Variants in GLUD1 observed in about 807,000 individuals in gnomAD.
The protein encoded by GLUD1 is glutamate dehydrogenase 1, mitochondrial.
In GLUD1, 22 loss-of-function variants were observed where a neutral mutation model predicts 56.0. The observed-to-expected ratio is 0.39, with a 90% CI of 0.28 to 0.56. The LOEUF is 0.56. GLUD1 is among the 20% of genes least tolerant of loss of function. GLUD1 has a pLI of 0.58. For missense variants in GLUD1, 451 were observed against 732.0 expected (o/e 0.62, Z 4.43); for synonymous variants, 223 against 269.9 (o/e 0.83, Z 1.70).
At chr10:87,080,688 G>A (rs1354599546) in intron 1 of GLUD1, among the ~76,000 whole-genome samples, 1 of 151,156 alleles carries the variant, frequency 6.6e-6, no homozygotes, top group African/African-American at 2.4e-5. Context: ...GAAGGGAGGA[G>A]ACCCTCTGCC....
At chr10:87,058,822 C>T (rs1047921809) in intron 10 of GLUD1, among the ~76,000 whole-genome samples, 1 of 151,960 alleles carries the variant, frequency 6.6e-6, no homozygotes, top group Non-Finnish European at 1.5e-5. Flanking sequence ...ACCTGGGAGG[C>T]GGAGGCTACA....
intron 12 of GLUD1, among the ~76,000 whole-genome samples, chr10:87,052,119 G>C (rs1007210005): frequency 6.6e-6 from 1 of 152,202 alleles, no homozygotes; most frequent in African/African-American, 2.4e-5. Context: ...GGAGGCCGAC[G>C]TAGGCAGATC....
In GLUD1 at chr10:87,094,799, G is replaced by T; in HGVS notation, c.-30C>A. ...ACAAGCGGAGGGGAGGTGCGTGATG[G>T]TCGCGAAACAGGCGCGCTTTCTCAG... is the stretch of plus-strand genomic sequence containing the variant. On this transcript the variant is annotated 5_prime_UTR_variant, in exon 1 of 13. Transcript: ENST00000277865. This position sits in a 1 kb window ranked among gnomAD's most constrained non-coding sequence, Gnocchi z 6.6. 1 of 1,506,914 alleles carries T rather than the reference G, an allele frequency of 6.6e-7. No individual in the cohort carries two copies. Among genetic ancestry groups the T allele is most frequent in the Non-Finnish European group, 9.0e-7 (1 of 1,116,014 alleles). The allele number at this position is 1,506,914 out of a possible 1,614,324, so 93.3% of individuals were successfully genotyped here. A position where few individuals can be genotyped will look rare whatever the true frequency, so the allele number is the denominator to read the frequency against.
At chr10:87,086,466 GT>G (rs1331663151) in intron 1 of GLUD1, among the ~76,000 whole-genome samples, 1 of 151,940 alleles carries the variant, frequency 6.6e-6, no homozygotes, top group African/African-American at 2.4e-5. Flanking sequence ...TTCATTCTCA[GT>G]TCCACTGCTG....
Position 87,077,717 on chromosome 10 carries a change from A to T in GLUD1, c.446-1061T>A, listed in dbSNP as rs191101577. Among the ~76,000 whole-genome samples, 838 of 151,900 alleles carry T rather than the reference A, an allele frequency of 5.5e-3. 13 individuals carry two copies. The highest frequency in any genetic ancestry group is 0.019 in the African/African-American group (802 of 41,418). On this transcript the variant is annotated intron_variant, in intron 1 of 12. Coordinates refer to ENST00000277865, the MANE Select transcript of GLUD1 (RefSeq NM_005271.5). The stretch of plus-strand genomic sequence containing the variant: ...TTTCTCTATAATCCATTGCTTCTCA[A>T]TCCCAAGGAGGAAAGTCTGAGTGGG...
chr10:87,050,298 C>G lies in GLUD1; in HGVS notation c.*1453G>C, dbSNP rs1845596303. ...ATAGTTCGTTACTCGGGAAGTTTCT[C>G]TGAACGTGTAAAGCACCGAACAAAA... On this transcript the variant is annotated 3_prime_UTR_variant, in exon 13 of 13. Transcript: ENST00000277865. Among the ~76,000 whole-genome samples, 4 of 149,946 alleles carry G rather than the reference C, an allele frequency of 2.7e-5. No individual in the cohort carries two copies. The South Asian group carries it at 6.3e-4, about 23-fold the overall frequency.
At chr10:87,051,945 C>A (rs1365866132) in intron 12 of GLUD1, 75 bp from the exon 13 acceptor site, 8 of 1,546,630 alleles carry the variant, frequency 5.2e-6, no homozygotes, top group East Asian at 2.2e-5. Flanking sequence ...AAGGCCCAGA[C>A]AGGCCTGGTC....
intron 4 of GLUD1, among the ~76,000 whole-genome samples, chr10:87,070,327 G>A (rs929738048): frequency 5.3e-5 from 8 of 152,174 alleles, no homozygotes; most frequent in African/African-American, 1.2e-4. Flanking sequence ...CCGGCTGGGC[G>A]CGGTGGCTCA....
At chr10:87,055,107 C>T (rs527686071) in intron 11 of GLUD1, among the ~76,000 whole-genome samples, 5 of 152,108 alleles carry the variant, frequency 3.3e-5, no homozygotes, top group Non-Finnish European at 4.4e-5. Context: ...CAGCTCTGAG[C>T]GCCTACTTGA....
intron 6 of GLUD1, 82 bp downstream of exon 6, chr10:87,062,574 A>T: frequency 9.5e-7 from 1 of 1,055,382 alleles, no homozygotes; most frequent in Non-Finnish European, 1.4e-6. Flanking sequence ...ACTTAATTTT[A>T]AAATTACAAT....
chr10:87,075,909 G>A, intron 3 of GLUD1, 59 bp downstream of exon 3: 1 of 1,179,368 alleles, frequency 8.5e-7, no homozygotes, highest in Non-Finnish European at 1.3e-6. Context: ...GGAAGACTCT[G>A]TCTCAGAAAA....
chr10:87,077,929 G>T (rs1021921532), intron 1 of GLUD1, among the ~76,000 whole-genome samples: 24 of 152,198 alleles, frequency 1.6e-4, no homozygotes, highest in African/African-American at 5.8e-4. Context: ...CTCTTTTAAA[G>T]AATTCTGAGA....
chr10:87,070,176 G>A (rs1278788138), intron 4 of GLUD1, among the ~76,000 whole-genome samples: 4 of 152,210 alleles, frequency 2.6e-5, no homozygotes, highest in African/African-American at 7.2e-5. Flanking sequence ...CAACTAGGCC[G>A]GGGCAGTGGC....
intron 11 of GLUD1, 148 bp downstream of exon 11, chr10:87,057,543 A>T: frequency 3.0e-6 from 2 of 666,932 alleles, no homozygotes; most frequent in Non-Finnish European, 5.5e-6. Context: ...TGTAATGAAA[A>T]GGAAAGGTAC....
chr10:87,093,836 G>T, intron 1 of GLUD1: 1 of 1,010,968 alleles, frequency 9.9e-7, no homozygotes, highest in Non-Finnish European at 1.4e-6. Context: ...TAGAAGCCAA[G>T]TCATTTTCTA....
chr10:87,086,793 T>C (rs1373956046), intron 1 of GLUD1, among the ~76,000 whole-genome samples: 1 of 141,886 alleles, frequency 7.0e-6, no homozygotes, highest in Non-Finnish European at 1.5e-5. Context: ...ATCGCGCCAC[T>C]GCACTCCAGC....
intron 4 of GLUD1, among the ~76,000 whole-genome samples, chr10:87,070,769 T>C (rs1294763677): frequency 6.6e-6 from 1 of 152,150 alleles, no homozygotes; most frequent in Non-Finnish European, 1.5e-5. Flanking sequence ...AATCACAAGG[T>C]ATTAGTTATT....
At chr10:87,078,072 T>G (rs1480188467) in intron 1 of GLUD1, among the ~76,000 whole-genome samples, 3 of 152,230 alleles carry the variant, frequency 2.0e-5, no homozygotes, top group Admixed American at 6.5e-5. Context: ...GATAATGTTT[T>G]AAGATAATTT....
chr10:87,087,040 T>C (rs560767122), intron 1 of GLUD1, among the ~76,000 whole-genome samples: 61 of 152,290 alleles, frequency 4.0e-4, no homozygotes, highest in Admixed American at 9.8e-4. Flanking sequence ...CTACTTCAGA[T>C]GCCAGTTCCA....
Sources: allele counts gnomAD v4.1 joint callset (sites outside exome capture counted in the v4.1 genomes callset), GRCh38; gene constraint gnomAD v4.1.1; non-coding constraint Gnocchi (gnomAD v3.1); transcripts MANE v1.5; gene names NCBI Gene and HGNC (gene_info 2026-07-23, HGNC 2026-07-21).